CDS2: variants seen among roughly 807,000 people sequenced by gnomAD.
CDS2 encodes the protein CDP-diacylglycerol synthase 2, also known as phosphatidate cytidylyltransferase 2.
CDS2 carries 47 observed loss-of-function variants against 59.0 expected under a neutral mutation model. The ratio of observed to expected loss-of-function variants is 0.80; its 90% confidence interval spans 0.63 to 1.02. CDS2 has a LOEUF of 1.02. CDS2 is among the 50% of genes least tolerant of loss of function. The pLI, the probability that CDS2 is intolerant of heterozygous loss-of-function variation, is 0.00. For synonymous variants in CDS2, 207 were observed against 206.4 expected, an observed-to-expected ratio of 1.00 and a Z score of -0.02; for missense variants, 356 against 558.9, an observed-to-expected ratio of 0.64 and a Z score of 3.66.
intron 7 of CDS2, 89 bp downstream of exon 7, chr20:5,183,232 G>C (rs1191043135): frequency 1.9e-6 from 2 of 1,067,118 alleles, no homozygotes; most frequent in Non-Finnish European, 2.9e-6. Context: ...CCCTCACCTT[G>C]AGCCACATCA....
chr20:5,159,709 CT>C (rs1166549063), intron 1 of CDS2, among the ~76,000 whole-genome samples: 1 of 152,082 alleles, frequency 6.6e-6, no homozygotes, highest in African/African-American at 2.4e-5. Flanking sequence ...ATTCACAAAC[CT>C]TTTCTACAAA....
At chr20:5,179,261 A>G (rs978312240) in intron 5 of CDS2, among the ~76,000 whole-genome samples, 2 of 152,024 alleles carry the variant, frequency 1.3e-5, no homozygotes, top group South Asian at 2.1e-4. Flanking sequence ...AGCTGGGACT[A>G]CAGGTGCCTG....
intron 1 of CDS2, among the ~76,000 whole-genome samples, chr20:5,148,163 TTGCAGC>T (rs2090758908): frequency 6.6e-6 from 1 of 152,182 alleles, no homozygotes; most frequent in Non-Finnish European, 1.5e-5. Flanking sequence ...ATTCAAGTTA[TTGCAGC>T]TGCACCCCCT....
intron 7 of CDS2, among the ~76,000 whole-genome samples, chr20:5,183,757 G>C (rs1416211233): frequency 5.3e-5 from 8 of 152,166 alleles, no homozygotes; most frequent in Admixed American, 5.2e-4. Flanking sequence ...GTGTGTCAAG[G>C]GAATAATATG....
chr20:5,138,744 C>A (rs776797491), intron 1 of CDS2, among the ~76,000 whole-genome samples: 1 of 151,846 alleles, frequency 6.6e-6, no homozygotes, highest in African/African-American at 2.4e-5. Context: ...CCTTAGCCTC[C>A]CAAAATGCTG....
intron 1 of CDS2, among the ~76,000 whole-genome samples, chr20:5,154,748 A>G (rs2090819948): frequency 6.6e-6 from 1 of 152,180 alleles, no homozygotes; most frequent in South Asian, 2.1e-4. Context: ...CCCGGGCTCA[A>G]GAGATCCTCC....
chr20:5,153,652 C>T (rs2090810325), intron 1 of CDS2, among the ~76,000 whole-genome samples: 1 of 152,110 alleles, frequency 6.6e-6, no homozygotes, highest in Non-Finnish European at 1.5e-5. Context: ...TTGCTTTTTC[C>T]CATGCATTTG....
At chr20:5,187,898 A>G (rs2091081782) in intron 10 of CDS2, 2 of 151,098 alleles carry the variant, frequency 1.3e-5, no homozygotes, top group African/African-American at 2.4e-5. Context: ...AAAAAAAAAG[A>G]AAAGAAAAAT....
At chr20:5,137,957 C>A (rs1219883281) in intron 1 of CDS2, among the ~76,000 whole-genome samples, 1 of 151,564 alleles carries the variant, frequency 6.6e-6, no homozygotes, top group East Asian at 2.0e-4. Flanking sequence ...CGCCACCATG[C>A]CCAGCTAATT....
At position 5,184,878 on chromosome 20, in the gene CDS2, G is replaced by A; in HGVS notation, c.692G>A (p.Cys231Tyr). The change falls in exon 8 of 13, where the codon TGT becomes TAT. Residue 231 changes from cysteine (C) to tyrosine (Y), a missense_variant. Transcript: ENST00000460006. This position sits in a 1 kb window ranked among gnomAD's most constrained non-coding sequence, Gnocchi z 4.3. Reference sequence around the variant, plus strand: ...TCTAGGTTCATTGTCCCCATATCTTGTGTGATCTGTAATGACATCATGGCC... The same window carrying A: ...TCTAGGTTCATTGTCCCCATATCTTATGTGATCTGTAATGACATCATGGCC... ...GMIWFIVPISCVICNDIMAYM... is the reference protein window; with the variant it reads ...GMIWFIVPISYVICNDIMAYM... 1 of 1,613,864 alleles carries A rather than the reference G, an allele frequency of 6.2e-7. No individual in the cohort carries two copies. The highest frequency in any genetic ancestry group is 8.5e-7 in the Non-Finnish European group (1 of 1,179,796).
intron 1 of CDS2, among the ~76,000 whole-genome samples, chr20:5,160,561 A>G (rs1230646383): frequency 6.6e-6 from 1 of 152,216 alleles, no homozygotes; most frequent in Non-Finnish European, 1.5e-5. Context: ...TATTATATAT[A>G]TCATAAAATT....
intron 6 of CDS2, 70 bp from the exon 7 acceptor site, chr20:5,182,991 T>G: frequency 8.2e-7 from 1 of 1,220,252 alleles, no homozygotes; most frequent in Non-Finnish European, 1.2e-6. Flanking sequence ...TTCTATTTGG[T>G]ATTGATTGTT....
chr20:5,185,530 C>T (rs1048495584), intron 8 of CDS2, among the ~76,000 whole-genome samples: 2 of 152,020 alleles, frequency 1.3e-5, no homozygotes, highest in Admixed American at 1.3e-4. Context: ...ATTAGTATAT[C>T]GTTTTCTAAT....
At chr20:5,190,073 C>T (rs762535984) in intron 12 of CDS2, 29 bp from the exon 13 acceptor site, 22 of 1,611,040 alleles carry the variant, frequency 1.4e-5, no homozygotes, top group Non-Finnish European at 6.8e-6. Context: ...GGCCCTAGCT[C>T]AGTGCTGTTT....
chr20:5,193,121 C>G lies in CDS2; in HGVS notation c.*2887C>G, dbSNP rs948419644. The G allele has an allele frequency of 6.6e-6, 1 of 152,244 alleles. No individual in the cohort carries two copies. The allele number at this position is 152,244 out of a possible 1,614,324, so 9.4% of individuals were successfully genotyped here. On this transcript the variant is annotated 3_prime_UTR_variant, in exon 13 of 13. Coordinates refer to ENST00000460006, the MANE Select transcript of CDS2 (RefSeq NM_003818.4). Reference sequence around the variant, plus strand: ...GGGCACCCCCCAGCCCCTGGGAGCTCTGCTCATGACCGCTCACAGGGTACC... The same window carrying G: ...GGGCACCCCCCAGCCCCTGGGAGCTGTGCTCATGACCGCTCACAGGGTACC...
rs145079527 is a variant in CDS2 at position 5,130,782 on chromosome 20, C to T, written c.57+3633C>T. On this transcript the variant is annotated intron_variant, in intron 1 of 12. Transcript: ENST00000460006. ...AGCCTGGGCAACAAGAGCCAAACAA[C>T]GTCTTAAAAGAAAAGAAAAGCTCTG... is the stretch of plus-strand genomic sequence containing the variant. Among the ~76,000 whole-genome samples the T allele has an allele frequency of 3.8e-3, 556 of 145,970 alleles. 4 individuals are homozygous for T. Among genetic ancestry groups the T allele is most frequent in the African/African-American group, 0.013 (505 of 39,454 alleles).
intron 10 of CDS2, among the ~76,000 whole-genome samples, chr20:5,188,567 AT>A (rs1158014705): frequency 1.2e-4 from 18 of 152,332 alleles, no homozygotes; most frequent in African/African-American, 3.8e-4. Flanking sequence ...ACCTACATGT[AT>A]ATAATTAGTT....
intron 1 of CDS2, among the ~76,000 whole-genome samples, chr20:5,154,857 A>G (rs1207701720): frequency 6.6e-6 from 1 of 152,202 alleles, no homozygotes; most frequent in Non-Finnish European, 1.5e-5. Context: ...CATGTTGCCC[A>G]GGCTGGTCTC....
chr20:5,130,600 T>C (rs1448065263), intron 1 of CDS2, among the ~76,000 whole-genome samples: 2 of 150,528 alleles, frequency 1.3e-5, no homozygotes, highest in Non-Finnish European at 3.0e-5. Context: ...AACGGGGTTT[T>C]AGTAGAAACC....
Sources: allele counts gnomAD v4.1 joint callset (sites outside exome capture counted in the v4.1 genomes callset), GRCh38; gene constraint gnomAD v4.1.1; non-coding constraint Gnocchi (gnomAD v3.1); transcripts MANE v1.5; gene names NCBI Gene and HGNC (gene_info 2026-07-23, HGNC 2026-07-21).